Variants in CHD1 observed in about 807,000 individuals in gnomAD.
CHD1 encodes ATP-dependent chromatin remodeler CHD1.
CHD1 carries 36 observed loss-of-function variants against 224.2 expected under a neutral mutation model. The observed-to-expected ratio is 0.16, with a 90% CI of 0.12 to 0.21. CHD1 has a LOEUF of 0.21. CHD1 is among the 10% of genes least tolerant of loss of function. CHD1 has a pLI of 1.00. For missense variants in CHD1, 1,378 were observed against 1,994.8 expected (o/e 0.69, Z 5.89); for synonymous variants, 668 against 658.3 (o/e 1.01, Z -0.23).
At chr5:98,894,707 C>T in intron 12 of CHD1, 21 bp from the exon 13 acceptor site, 1 of 1,173,800 alleles carries the variant, frequency 8.5e-7, no homozygotes, top group Non-Finnish European at 1.2e-6. Context: ...ATTTGAAGGA[C>T]AATTTTTAAG....
chr5:98,869,892 A>G lies in CHD1; in HGVS notation c.3979-10T>C, dbSNP rs573056107. 1.3e-6 allele frequency: 2 copies of G among 1,575,070 alleles called. No homozygotes were observed. Among genetic ancestry groups the G allele is most frequent in the East Asian group, 4.5e-5 (2 of 44,488 alleles). On this transcript the variant is annotated splice_polypyrimidine_tract_variant and intron_variant, in intron 29 of 35. Coordinates refer to ENST00000614616, the MANE Select transcript of CHD1 (RefSeq NM_001270.4). ...TCCTCTTTGAACTTCCCTAAAAATC[A>G]TTATTTTAATTTTAACCAATTCTAC... is the stretch of plus-strand genomic sequence containing the variant.
intron 2 of CHD1, among the ~76,000 whole-genome samples, chr5:98,910,008 C>CA: frequency 6.6e-6 from 1 of 152,190 alleles, no homozygotes; most frequent in Non-Finnish European, 1.5e-5. Flanking sequence ...GCCATTTTAT[C>CA]AAAAAGCCCT....
chr5:98,896,523 T>C, intron 11 of CHD1, 81 bp from the exon 12 acceptor site: 1 of 904,648 alleles, frequency 1.1e-6, no homozygotes, highest in Admixed American at 2.4e-5. Flanking sequence ...TGTATATGTT[T>C]TTATGAAGTT....
chr5:98,926,104 T>G (rs1462934254), intron 2 of CHD1, among the ~76,000 whole-genome samples: 7 of 152,166 alleles, frequency 4.6e-5, no homozygotes, highest in Non-Finnish European at 7.4e-5. Flanking sequence ...AAACAAAAAC[T>G]TTCTATATTT....
chr5:98,868,823 T>A lies in CHD1; in HGVS notation c.4108-188A>T, dbSNP rs141957377. The A allele has an allele frequency of 4.4e-4, 286 of 650,986 alleles. No individual in the cohort carries two copies. In the African/African-American group the frequency reaches 5.0e-3, roughly 11 times the overall value. 40.3% of individuals were successfully genotyped at this position (650,986 alleles called of 1,614,324 possible). ...TTTGGGGAAACAATCAAAGCTACTC[T>A]GTAATGTTACTCTGAAGGTAAAGCA... On this transcript the variant is annotated intron_variant, in intron 30 of 35. Coordinates refer to ENST00000614616, the MANE Select transcript of CHD1 (RefSeq NM_001270.4).
chr5:98,901,801 T>C (rs1436466217), intron 5 of CHD1, among the ~76,000 whole-genome samples: 2 of 151,232 alleles, frequency 1.3e-5, no homozygotes, highest in Admixed American at 1.3e-4. Context: ...TCAATCTGAG[T>C]ACCTTACCTG....
intron 6 of CHD1, 29 bp downstream of exon 6, chr5:98,901,157 C>A: frequency 6.3e-7 from 1 of 1,588,020 alleles, no homozygotes; most frequent in African/African-American, 1.4e-5. Context: ...TTTCCACAAT[C>A]AATTTTCAGC....
chr5:98,896,136 CAG>C, intron 12 of CHD1, 88 bp downstream of exon 12: 1 of 1,086,210 alleles, frequency 9.2e-7, no homozygotes, highest in African/African-American at 1.6e-5. Context: ...GCCTGGGAGA[CAG>C]AGTGAAACCC....
At chr5:98,896,801 A>AAT (rs1428263765) in intron 11 of CHD1, among the ~76,000 whole-genome samples, 1 of 151,382 alleles carries the variant, frequency 6.6e-6, no homozygotes, top group Non-Finnish European at 1.5e-5. Flanking sequence ...TAAAAAAAAA[A>AAT]ACTATAGCTA....
At chr5:98,876,653 T>C (rs1197195518) in intron 23 of CHD1, 95 bp from the exon 24 acceptor site, 3 of 1,040,444 alleles carry the variant, frequency 2.9e-6, no homozygotes, top group Middle Eastern at 2.1e-4. Flanking sequence ...ATCTTAAAAA[T>C]GTTATTAAAT....
intron 19 of CHD1, 42 bp downstream of exon 19, chr5:98,883,046 A>G (rs113532659): frequency 3.2e-5 from 39 of 1,228,292 alleles, no homozygotes; most frequent in African/African-American, 2.3e-4. Flanking sequence ...AAAAAAAAGA[A>G]TTCTAAAACA....
chr5:98,914,176 T>C (rs530808667), intron 2 of CHD1, among the ~76,000 whole-genome samples: 1 of 152,160 alleles, frequency 6.6e-6, no homozygotes, highest in African/African-American at 2.4e-5. Context: ...GCCTTAAAAA[T>C]GAAGTGGCTT....
rs191432055 is a variant in CHD1, at chr5:98,923,899, G to A, written c.53+2435C>T. Among the ~76,000 whole-genome samples the A allele has an allele frequency of 2.6e-5, 4 of 152,290 alleles. No individual in the cohort carries two copies. In the East Asian group the frequency reaches 7.7e-4, roughly 29 times the overall value. Reference sequence around the variant, plus strand: ...AGTCTTATCTCCTATTTTATGAATAGTTTGGTTCCTTTGTTTCCTCTAGGT... The same window carrying A: ...AGTCTTATCTCCTATTTTATGAATAATTTGGTTCCTTTGTTTCCTCTAGGT... On this transcript the variant is annotated intron_variant, in intron 2 of 35. Coordinates refer to ENST00000614616, the MANE Select transcript of CHD1 (RefSeq NM_001270.4).
chr5:98,890,452 T>C (rs891903522), intron 15 of CHD1, among the ~76,000 whole-genome samples: 1 of 152,164 alleles, frequency 6.6e-6, no homozygotes, highest in Non-Finnish European at 1.5e-5. Flanking sequence ...TATTAATTTC[T>C]CTAGAGGTAA....
At position 98,868,640 on chromosome 5, in the gene CHD1, A is replaced by C. The variant is rs1749086055; in HGVS notation, c.4108-5T>G. 1 of 1,543,654 alleles carries C rather than the reference A, an allele frequency of 6.5e-7. No homozygotes were observed. The highest frequency in any genetic ancestry group is 8.7e-7 in the Non-Finnish European group (1 of 1,147,646). ...ATCAGACTTGGATTCACTCAACTAA[A>C]GAAAAAGTGAAAAGAAAACAAAAAC... On this transcript the variant is annotated splice_polypyrimidine_tract_variant and splice_region_variant and intron_variant, in intron 30 of 35. Coordinates refer to ENST00000614616, the MANE Select transcript of CHD1 (RefSeq NM_001270.4).
rs1561466602 is a variant in CHD1 at position 98,854,038 on chromosome 5, T to C, written c.*2342A>G. On this transcript the variant is annotated 3_prime_UTR_variant, in exon 36 of 36. Transcript: ENST00000614616. ...AGTGGAAGGTTAATTGGTACAGTAC[T>C]ATACATAATCTCTCACCCTTGAAAA... The C allele has an allele frequency of 6.6e-6, 1 of 152,052 alleles. No homozygotes were observed. The highest frequency in any genetic ancestry group is 2.4e-5 in the African/African-American group (1 of 41,448). The allele number at this position is 152,052 out of a possible 1,614,324, so 9.4% of individuals were successfully genotyped here.
At chr5:98,882,805 G>A (rs1392228722) in intron 19 of CHD1, among the ~76,000 whole-genome samples, 3 of 152,070 alleles carry the variant, frequency 2.0e-5, no homozygotes, top group Admixed American at 6.6e-5. Context: ...AAGTAAAGAC[G>A]TTTTAAAGTT....
At chr5:98,911,141 AAAAAAATATATATATATAT>A (rs1226790727) in intron 2 of CHD1, among the ~76,000 whole-genome samples, 1 of 114,762 alleles carries the variant, frequency 8.7e-6, no homozygotes, top group African/African-American at 3.9e-5. Context: ...AAAAAAAAAA[AAAAAAATATATATATATAT>A]ATATATATAT....
rs1485663218 is a variant in CHD1 at position 98,855,244 on chromosome 5, A to G, written c.*1136T>C. The stretch of plus-strand genomic sequence containing the variant: ...TTAATTTGTCATATATAACGTTTTT[A>G]TATACAATCAGTGTGCATTGTAACA... On this transcript the variant is annotated 3_prime_UTR_variant, in exon 36 of 36. Coordinates refer to ENST00000614616, the MANE Select transcript of CHD1 (RefSeq NM_001270.4). 6.6e-6 allele frequency: 1 copy of G among 152,596 alleles called. No individual in the cohort carries two copies. The highest frequency in any genetic ancestry group is 2.4e-5 in the African/African-American group (1 of 41,432). 9.5% of individuals were successfully genotyped at this position (152,596 alleles called of 1,614,324 possible).
Sources: allele counts gnomAD v4.1 joint callset (sites outside exome capture counted in the v4.1 genomes callset), GRCh38; gene constraint gnomAD v4.1.1; transcripts MANE v1.5; gene names NCBI Gene and HGNC (gene_info 2026-07-23, HGNC 2026-07-21).